CEP63: variants seen among roughly 807,000 people sequenced by gnomAD.
The protein encoded by CEP63 is centrosomal protein 63, also known as centrosomal protein of 63 kDa.
CEP63 carries 84 observed loss-of-function variants against 89.1 expected under a neutral mutation model. The ratio of observed to expected loss-of-function variants is 0.94; its 90% CI spans 0.79 to 1.13. The LOEUF is 1.13. CEP63 is among the 50% of genes most tolerant of loss of function. The pLI, the probability that CEP63 is intolerant of heterozygous loss-of-function variation, is 0.00. For synonymous variants in CEP63, 267 were observed against 272.5 expected, an observed-to-expected ratio of 0.98 and a Z score of 0.20; for missense variants, 838 against 813.3, an observed-to-expected ratio of 1.03 and a Z score of -0.37.
At chr3:134,495,764 G>A (rs1939640183) in intron 2 of CEP63, among the ~76,000 whole-genome samples, 1 of 152,000 alleles carries the variant, frequency 6.6e-6, no homozygotes, top group South Asian at 2.1e-4. Context: ...GGTAACCATC[G>A]TTCTACTCTC....
chr3:134,617,037 C>A, the CEP63 span, among the ~76,000 whole-genome samples: 2 of 152,134 alleles, frequency 1.3e-5, no homozygotes, highest in African/African-American at 4.8e-5. Flanking sequence ...GTCTTTCTGG[C>A]TTTAACTTTG....
chr3:134,643,724 A>G, the CEP63 span, among the ~76,000 whole-genome samples: 1 of 152,086 alleles, frequency 6.6e-6, no homozygotes, highest in African/African-American at 2.4e-5. Context: ...CACTGCATAC[A>G]CAGATGCCTC....
At chr3:134,606,141 G>C in the CEP63 span, among the ~76,000 whole-genome samples, 3 of 152,002 alleles carry the variant, frequency 2.0e-5, no homozygotes, top group Admixed American at 2.0e-4. Context: ...CACTGCTCAC[G>C]GCCCCTGGTC....
the CEP63 span, among the ~76,000 whole-genome samples, chr3:134,704,787 G>T: frequency 6.6e-6 from 1 of 152,240 alleles, no homozygotes; most frequent in Non-Finnish European, 1.5e-5. Flanking sequence ...TTGCTCTTGG[G>T]CTGGGAACTT....
intron 2 of CEP63, among the ~76,000 whole-genome samples, chr3:134,506,435 G>C (rs955453348): frequency 6.6e-6 from 1 of 152,106 alleles, no homozygotes; most frequent in Admixed American, 6.6e-5. Flanking sequence ...GTATAGGCTT[G>C]TCTGGATCCT....
the CEP63 span, among the ~76,000 whole-genome samples, chr3:134,620,261 G>A: frequency 1.3e-5 from 2 of 152,198 alleles, no homozygotes; most frequent in Non-Finnish European, 2.9e-5. Context: ...TGGAGACTGC[G>A]CTGGGACCAG....
At chr3:134,588,417 T>C (rs981026539), downstream of CEP63, among the ~76,000 whole-genome samples, 2 of 152,128 alleles carry the variant, frequency 1.3e-5, no homozygotes, top group African/African-American at 4.8e-5. Context: ...TAGAAATACA[T>C]TTTAGATGGT....
chr3:134,665,109 G>T, the CEP63 span, among the ~76,000 whole-genome samples: 3 of 152,178 alleles, frequency 2.0e-5, no homozygotes. Context: ...GGAGAAGTCC[G>T]GCAGGGGCTT....
At chr3:134,566,474 A>G (rs922489153), downstream of CEP63, among the ~76,000 whole-genome samples, 1 of 152,238 alleles carries the variant, frequency 6.6e-6, no homozygotes, top group African/African-American at 2.4e-5. Context: ...GAGTTGTCCC[A>G]GAATGGTATC....
At chr3:134,694,695 T>G in the CEP63 span, among the ~76,000 whole-genome samples, 1 of 152,236 alleles carries the variant, frequency 6.6e-6, no homozygotes, top group African/African-American at 2.4e-5. Context: ...GATTCAGTAT[T>G]GAGTGTGGTC....
Position 134,532,758 on chromosome 3 carries a change from A to G in CEP63, c.319-20A>G. 2 of 1,586,026 alleles carry G rather than the reference A, an allele frequency of 1.3e-6. No individual in the cohort carries two copies. The highest frequency in any genetic ancestry group is 1.7e-4 in the Middle Eastern group (1 of 5,886). ...TTACAAATTCTTAAACTTTAAATAT[A>G]GAAATAACTGTTTCTACAGTTATGC... On this transcript the variant is annotated intron_variant, in intron 4 of 14. Transcript: ENST00000675561.
chr3:134,774,873 A>G, the CEP63 span, among the ~76,000 whole-genome samples: 16 of 152,302 alleles, frequency 1.1e-4, no homozygotes, highest in East Asian at 1.9e-4. Context: ...TTGGAGCCCA[A>G]GGGCTTTCTC....
chr3:134,713,917 A>T, the CEP63 span, among the ~76,000 whole-genome samples: 1 of 152,342 alleles, frequency 6.6e-6, no homozygotes, highest in Admixed American at 6.5e-5. Flanking sequence ...CAGAGCTCAG[A>T]ACTGTGCCTG....
At chr3:134,678,249 C>T in the CEP63 span, among the ~76,000 whole-genome samples, 23 of 152,094 alleles carry the variant, frequency 1.5e-4, no homozygotes, top group Non-Finnish European at 2.8e-4. Flanking sequence ...CTGACACATT[C>T]CTATTTCCCT....
chr3:134,737,437 C>T, the CEP63 span, among the ~76,000 whole-genome samples: 11 of 151,740 alleles, frequency 7.2e-5, no homozygotes, highest in Admixed American at 5.2e-4. Context: ...CTCTACAAAC[C>T]GAAAAGCAAA....
chr3:134,575,151 C>A, downstream of CEP63: 1 of 266,048 alleles, frequency 3.8e-6, no homozygotes, highest in Non-Finnish European at 6.9e-6. Context: ...TCCGTCCCTC[C>A]CTCCGTCCCC....
At position 134,533,810 on chromosome 3, in the gene CEP63, G is replaced by C. The variant is rs928449777; in HGVS notation, c.441+910G>C. On this transcript the variant is annotated intron_variant, in intron 5 of 14. Transcript: ENST00000675561. Reference sequence around the variant, plus strand: ...GTGATCACTTACAAGTTTGTACTCTGGGTGACCTGTCACCCACAAATGCCA... The same window carrying C: ...GTGATCACTTACAAGTTTGTACTCTCGGTGACCTGTCACCCACAAATGCCA... Among the ~76,000 whole-genome samples the C allele has an allele frequency of 2.0e-5, 3 of 152,050 alleles. No individual in the cohort carries two copies. In the East Asian group the frequency reaches 5.8e-4, roughly 29 times the overall value.
intron 6 of CEP63, among the ~76,000 whole-genome samples, chr3:134,541,196 G>A (rs1951923269): frequency 6.6e-6 from 1 of 151,942 alleles, no homozygotes; most frequent in African/African-American, 2.4e-5. Context: ...CTTAATTTTT[G>A]CCCAGTATTT....
intron 10 of CEP63, among the ~76,000 whole-genome samples, chr3:134,581,618 A>G (rs896515971): frequency 6.6e-6 from 1 of 151,962 alleles, no homozygotes. Flanking sequence ...CAAAAATTAT[A>G]TAATCACTTT....
Sources: allele counts gnomAD v4.1 joint callset (sites outside exome capture counted in the v4.1 genomes callset), GRCh38; gene constraint gnomAD v4.1.1; transcripts MANE v1.5; gene names NCBI Gene and HGNC (gene_info 2026-07-23, HGNC 2026-07-21).